Variants in ACO1 observed in about 807,000 individuals in gnomAD.
ACO1 encodes the protein aconitase 1.
A neutral mutation model predicts 105.1 loss-of-function variants in ACO1; 78 were observed. That is an observed-to-expected ratio of 0.74 (90% CI 0.62 to 0.90). The LOEUF is 0.90. Ranked by LOEUF, ACO1 falls within the 40% of genes least tolerant of loss-of-function variation. The pLI is 0.00. For synonymous variants in ACO1, 364 were observed against 397.4 expected (o/e 0.92, Z 1.00); for missense variants, 965 against 1,111.1 (o/e 0.87, Z 1.87).
At chr9:32,436,024 A>C in intron 17 of ACO1, 1 of 680,164 alleles carries the variant, frequency 1.5e-6, no homozygotes, top group Non-Finnish European at 2.7e-6. Flanking sequence ...CAATTAACCC[A>C]GGAGAATACT....
chr9:32,449,103 C>T (rs1587562672), intron 20 of ACO1, 22 bp downstream of exon 20: 2 of 1,568,398 alleles, frequency 1.3e-6, no homozygotes, highest in Non-Finnish European at 1.7e-6. Context: ...CCTCTCTATG[C>T]CAGGCCCTGT....
At chr9:32,448,812 A>C in intron 19 of ACO1, 84 bp from the exon 20 acceptor site, 1 of 1,471,576 alleles carries the variant, frequency 6.8e-7, no homozygotes, top group Non-Finnish European at 9.5e-7. Context: ...CCATCATGCC[A>C]GCTCTCTCAC....
At chr9:32,393,900 C>T (rs1821318327) in intron 1 of ACO1, among the ~76,000 whole-genome samples, 1 of 152,266 alleles carries the variant, frequency 6.6e-6, no homozygotes, top group Non-Finnish European at 1.5e-5. Flanking sequence ...TCCCAGACAC[C>T]AGTCTGGCAG....
chr9:32,403,805 G>A (rs1233637050), intron 1 of ACO1, among the ~76,000 whole-genome samples: 1 of 151,998 alleles, frequency 6.6e-6, no homozygotes, highest in African/African-American at 2.4e-5. Flanking sequence ...CACTTCCCCT[G>A]CCTGCAGAGA....
intron 4 of ACO1, among the ~76,000 whole-genome samples, chr9:32,412,346 C>T (rs1821758502): frequency 6.6e-6 from 1 of 152,156 alleles, no homozygotes; most frequent in Non-Finnish European, 1.5e-5. Flanking sequence ...AGTTGCTAAG[C>T]AGTTATCTCA....
At chr9:32,435,592 A>C (rs1036527138) in intron 17 of ACO1, among the ~76,000 whole-genome samples, 11 of 152,134 alleles carry the variant, frequency 7.2e-5, no homozygotes, top group Admixed American at 2.6e-4. Context: ...TCACGGTGTT[A>C]ATTGTAAGGT....
At chr9:32,413,370 G>A (rs1821782196) in intron 4 of ACO1, among the ~76,000 whole-genome samples, 1 of 151,830 alleles carries the variant, frequency 6.6e-6, no homozygotes, top group African/African-American at 2.4e-5. Context: ...TGTAGTCCCA[G>A]CTACTCAGGC....
At chr9:32,404,636 C>T (rs1336072457) in intron 1 of ACO1, among the ~76,000 whole-genome samples, 2 of 152,190 alleles carry the variant, frequency 1.3e-5, no homozygotes, top group Admixed American at 6.5e-5. Flanking sequence ...GCTCTTTAGT[C>T]CCTGTACAGC....
At chr9:32,386,060 G>C (rs1013689397) in intron 1 of ACO1, among the ~76,000 whole-genome samples, 5 of 152,188 alleles carry the variant, frequency 3.3e-5, no homozygotes, top group Non-Finnish European at 7.3e-5. Flanking sequence ...AGTCAGCAAG[G>C]CTTCGCACAT....
Position 32,416,944 on chromosome 9 carries a change from C to G in ACO1, c.405-1184C>G, listed in dbSNP as rs112033873. 9.1e-4 allele frequency among the ~76,000 whole-genome samples: 139 copies of G among 152,338 alleles called. 2 individuals are homozygous for G. The highest frequency in any genetic ancestry group is 3.1e-3 in the African/African-American group (127 of 41,564). ...TGTGTAAAGCTCTGAGCGCCCACAA[C>G]GTAATGTTGTCCTTTAGCTCTTGCT... On this transcript the variant is annotated intron_variant, in intron 4 of 20. Transcript: ENST00000309951.
intron 4 of ACO1, among the ~76,000 whole-genome samples, chr9:32,416,097 C>CTT (rs11421318): frequency 0.016 from 2,148 of 137,846 alleles, 36 homozygotes; most frequent in Middle Eastern, 0.11. Context: ...AATATGTTTT[C>CTT]TTTTTTTTTT....
At position 32,430,488 on chromosome 9, in the gene ACO1, G is replaced by C. The variant is rs551232686; in HGVS notation, c.1640G>C (p.Arg547Pro). ...NFEGRVHPNT[R>P]ANYLASPPLV... ...GAAGGTCGAGTTCACCCCAACACCC[G>C]GGCCAACTATTTAGCCTCTCCCCCC... Residue 547 changes from arginine to proline, a missense_variant, in exon 14 of 21, where the codon CGG (arginine) becomes CCG (proline). By Grantham distance (103) the Arg-to-Pro change is moderately radical (BLOSUM62 -2). Transcript: ENST00000309951. 1 of 1,611,994 alleles carries C rather than the reference G, an allele frequency of 6.2e-7. No homozygotes were observed. The highest frequency in any genetic ancestry group is 8.5e-7 in the Non-Finnish European group (1 of 1,179,298).
intron 12 of ACO1, among the ~76,000 whole-genome samples, chr9:32,427,913 T>A (rs1048984327): frequency 2.6e-5 from 4 of 152,244 alleles, no homozygotes; most frequent in Admixed American, 2.6e-4. Context: ...TTTCTTTATA[T>A]CTTTATTTCA....
intron 2 of ACO1, among the ~76,000 whole-genome samples, chr9:32,406,475 T>A (rs568776073): frequency 6.1e-4 from 93 of 152,152 alleles, no homozygotes; most frequent in African/African-American, 2.0e-3. Flanking sequence ...AGAAAAAAAT[T>A]AGCTGGGTGT....
intron 4 of ACO1, among the ~76,000 whole-genome samples, chr9:32,411,978 A>C (rs1016619207): frequency 1.3e-5 from 2 of 152,078 alleles, no homozygotes; most frequent in African/African-American, 4.8e-5. Flanking sequence ...GGCTTAAGCA[A>C]TCCTCCCACC....
At chr9:32,399,807 A>AT (rs56219823) in intron 1 of ACO1, among the ~76,000 whole-genome samples, 76,250 of 148,478 alleles carry the variant, frequency 0.51, 19,991 homozygotes, top group Admixed American at 0.6. Flanking sequence ...AGGTCTAGTG[A>AT]TTTTTTTTTT....
At chr9:32,396,705 A>G (rs1029598568) in intron 1 of ACO1, among the ~76,000 whole-genome samples, 1 of 152,118 alleles carries the variant, frequency 6.6e-6, no homozygotes, top group Non-Finnish European at 1.5e-5. Context: ...CTGTTTGTAT[A>G]TTTATTTATT....
intron 1 of ACO1, among the ~76,000 whole-genome samples, chr9:32,385,717 A>T (rs925169010): frequency 6.6e-6 from 1 of 152,238 alleles, no homozygotes; most frequent in African/African-American, 2.4e-5. Flanking sequence ...CATATCATGT[A>T]GCCTCTTGAG....
At chr9:32,405,102 C>G (rs1474094959) in intron 1 of ACO1, among the ~76,000 whole-genome samples, 1 of 60,458 alleles carries the variant, frequency 1.7e-5, no homozygotes, top group Non-Finnish European at 3.7e-5. Context: ...CTGCATACAG[C>G]ATGTGAGACG....
Sources: allele counts gnomAD v4.1 joint callset (sites outside exome capture counted in the v4.1 genomes callset), GRCh38; gene constraint gnomAD v4.1.1; transcripts MANE v1.5; gene names NCBI Gene and HGNC (gene_info 2026-07-23, HGNC 2026-07-21).